The following NLE1 variants were observed in gnomAD, a reference collection of about 807,000 sequenced individuals.
NLE1 encodes notchless protein homolog 1.
Under a neutral mutation model 62.8 loss-of-function variants are expected in NLE1, and 37 were observed. That is an observed-to-expected ratio of 0.59 (90% CI 0.45 to 0.78). The LOEUF (loss-of-function observed/expected upper bound fraction) is 0.78, where lower values mean the gene tolerates loss of function less well. Among genes scored for constraint, NLE1 ranks in the 30% least tolerant of loss-of-function variants. NLE1 has a pLI of 0.00. For synonymous variants in NLE1, 243 were observed against 253.0 expected (o/e 0.96, Z 0.37); for missense variants, 555 against 637.9 (o/e 0.87, Z 1.40).
chr17:35,136,032 T>C (rs1007184313), intron 9 of NLE1, 137 bp downstream of exon 9: 13 of 778,518 alleles, frequency 1.7e-5, no homozygotes, highest in Non-Finnish European at 1.2e-5. Flanking sequence ...GATTGCAAAC[T>C]AGGATTATGA....
In NLE1 at chr17:35,139,915, C is replaced by A; in HGVS notation, c.314G>T (p.Arg105Leu). ...GTGACCCTCCAAGGAGCTGGTGCAGCGAGTCACAGCCCGGACTCTGAAGAT... is the reference window on the plus strand; with the variant it reads ...GTGACCCTCCAAGGAGCTGGTGCAGAGAGTCACAGCCCGGACTCTGAAGAT... Reference protein sequence around the residue: ...QAIFRVRAVTRCTSSLEGHSE... With the variant: ...QAIFRVRAVTLCTSSLEGHSE... The change falls in exon 3 of 13, where the codon CGC becomes CTC. Residue 105 changes from arginine (R) to leucine (L), a missense_variant. Arg to Leu is a moderately radical substitution (Grantham distance 102). Coordinates refer to ENST00000442241, the MANE Select transcript of NLE1 (RefSeq NM_018096.5). The A allele has an allele frequency of 1.2e-6, 2 of 1,614,072 alleles. No individual in the cohort carries two copies. Among genetic ancestry groups the A allele is most frequent in the Non-Finnish European group, 1.7e-6 (2 of 1,180,024 alleles).
rs759866757 is a variant in NLE1 at position 35,139,916 on chromosome 17, G to A, written c.313C>T (p.Arg105Cys). ...TGACCCTCCAAGGAGCTGGTGCAGC[G>A]AGTCACAGCCCGGACTCTGAAGATA... is the stretch of plus-strand genomic sequence containing the variant. Reference protein sequence around the residue: ...QAIFRVRAVTRCTSSLEGHSE... With the variant: ...QAIFRVRAVTCCTSSLEGHSE... Residue 105 changes from arginine to cysteine, a missense_variant, in exon 3 of 13, where the codon CGC becomes TGC. Physicochemically the swap from Arg to Cys is radical, Grantham distance 180. Coordinates refer to ENST00000442241, the MANE Select transcript of NLE1 (RefSeq NM_018096.5). The A allele has an allele frequency of 4.3e-6, 7 of 1,614,010 alleles. No individual in the cohort carries two copies. Among genetic ancestry groups the A allele is most frequent in the African/African-American group, 1.3e-5 (1 of 74,938 alleles).
intron 10 of NLE1, among the ~76,000 whole-genome samples, chr17:35,134,343 A>C (rs2142501827): frequency 6.6e-6 from 1 of 152,240 alleles, no homozygotes; most frequent in East Asian, 1.9e-4. Context: ...CTCCAGGGCT[A>C]CAGCCCTACC....
intron 11 of NLE1, 34 bp downstream of exon 11, chr17:35,133,305 C>T: frequency 6.2e-7 from 1 of 1,614,194 alleles, no homozygotes; most frequent in Non-Finnish European, 8.5e-7. Flanking sequence ...AGGCTCCAAT[C>T]CCAGTCCCTC....
Position 35,129,891 on chromosome 17 carries a change from A to T in NLE1, c.*2546T>A. 3 of 1,406,248 alleles carry T rather than the reference A, an allele frequency of 2.1e-6. No homozygotes were observed. Among genetic ancestry groups the T allele is most frequent in the Non-Finnish European group, 2.8e-6 (3 of 1,082,684 alleles). 87.1% of individuals were successfully genotyped at this position (1,406,248 alleles called of 1,614,324 possible). ...CGAATGTATTTTTCAACATCACTAT[A>T]ATGTTCCCCTTCCAAAGCCATTGGT... On this transcript the variant is annotated 3_prime_UTR_variant, in exon 13 of 13. Coordinates refer to ENST00000442241, the MANE Select transcript of NLE1 (RefSeq NM_018096.5).
At chr17:35,141,552 C>CAAAAA (rs549704502) in intron 2 of NLE1, among the ~76,000 whole-genome samples, 2 of 83,584 alleles carry the variant, frequency 2.4e-5, no homozygotes, top group South Asian at 4.5e-4. Context: ...GACTCCGTCT[C>CAAAAA]AAAAAAAAAA....
In NLE1 at chr17:35,131,071, C is replaced by T. The variant is rs2091873633; in HGVS notation, c.*1366G>A. On this transcript the variant is annotated 3_prime_UTR_variant, in exon 13 of 13. Transcript: ENST00000442241. ...GGGGCAGGGCCTGGTTTAATCCCAG[C>T]TTTCTCTTACTAGATGTGAGGGCAT... is the stretch of plus-strand genomic sequence containing the variant. 2 of 148,990 alleles carry T rather than the reference C, an allele frequency of 1.3e-5. No homozygotes were observed. The highest frequency in any genetic ancestry group is 5.0e-5 in the African/African-American group (2 of 39,632). The allele number at this position is 148,990 out of a possible 1,614,324, so 9.2% of individuals were successfully genotyped here.
At position 35,142,074 on chromosome 17, in the gene NLE1, C is replaced by T. The variant is rs367639164; in HGVS notation, c.67G>A (p.Asp23Asn). ...DVQRLLVQFQ[D>N]EGGQLLGSPF... is the part of the protein sequence containing the mutation. ...GAACCCAGCAGCTGCCCGCCCTCAT[C>T]CTGGAACTGCACTAGCAACCGCTGC... is the stretch of plus-strand genomic sequence containing the variant. The change falls in exon 2 of 13, where the codon GAT becomes AAT. Residue 23 changes from aspartate to asparagine, a missense_variant. By Grantham distance (23) the Asp-to-Asn change is conservative (BLOSUM62 1). Transcript: ENST00000442241. 5.0e-6 allele frequency: 8 copies of T among 1,612,638 alleles called. No individual in the cohort carries two copies. In the African/African-American group the frequency reaches 1.1e-4, roughly 22 times the overall value.
rs1374371293 is a variant in NLE1 at position 35,140,000 on chromosome 17, A to G, written c.229T>C (p.Leu77=). The part of the protein sequence containing the change: ...AEIVSSLGKT[L]ESQAVETEKV... ...TCTGTCTCCACTGCCTGGGACTCCA[A>G]CGTCTTCCCCAGTGAGGAGACGATC... The change falls in exon 3 of 13, where the codon TTG becomes CTG. Residue 77 remains leucine (L), a synonymous_variant. Transcript: ENST00000442241. 1.9e-5 allele frequency: 30 copies of G among 1,613,962 alleles called. No individual in the cohort carries two copies. The highest frequency in any genetic ancestry group is 3.3e-4 in the Middle Eastern group (2 of 6,038).
rs745418741 is a variant in NLE1, at chr17:35,137,029, C to T, written c.800G>A (p.Arg267His). 12 of 1,610,802 alleles carry T rather than the reference C, an allele frequency of 7.4e-6. No individual in the cohort carries two copies. Among genetic ancestry groups the T allele is most frequent in the South Asian group, 5.5e-5 (5 of 90,906 alleles). ...DGLLYSASQDRTIKVWRAHDG... is the reference protein window; with the variant it reads ...DGLLYSASQDHTIKVWRAHDG... ...ATGAGCTCTCCAGACTTTGATGGTG[C>T]GGTCCTGGGAGGCAGAGTAGAGAAG... Residue 267 changes from arginine (R) to histidine (H), a missense_variant, in exon 7 of 13, where the codon CGC becomes CAC. Transcript: ENST00000442241.
chr17:35,130,397 G>A lies in NLE1; in HGVS notation c.*2040C>T, dbSNP rs773336985. 6.3e-5 allele frequency: 101 copies of A among 1,613,946 alleles called. No homozygotes were observed. Among genetic ancestry groups the A allele is most frequent in the Non-Finnish European group, 7.9e-5 (93 of 1,180,004 alleles). On this transcript the variant is annotated 3_prime_UTR_variant, in exon 13 of 13. Transcript: ENST00000442241. ...GTGTCCATCGGGCCGGAGGAGATGCGGAGGCTGGAGGATCTGGAATACCTA... is the reference window on the plus strand; with the variant it reads ...GTGTCCATCGGGCCGGAGGAGATGCAGAGGCTGGAGGATCTGGAATACCTA...
Position 35,132,126 on chromosome 17 carries a change from A to C in NLE1, c.*311T>G. 3.6e-6 allele frequency: 1 copy of C among 274,890 alleles called. No individual in the cohort carries two copies. 17.0% of individuals were successfully genotyped at this position (274,890 alleles called of 1,614,324 possible). On this transcript the variant is annotated 3_prime_UTR_variant, in exon 13 of 13. Transcript: ENST00000442241. The stretch of plus-strand genomic sequence containing the variant: ...TCTGACCCTGTACAGAGCTGACACT[A>C]GGGGCCCACTCATAGAGCCTGGCTG...
rs1036337025 is a variant in NLE1, at chr17:35,129,080, G to A, written c.*3357C>T. Reference sequence around the variant, plus strand: ...CAGCTGTAAATACAGATGAAGCTTCGCTTGCTCGCCCACCAATCTCCTCCT... The same window carrying A: ...CAGCTGTAAATACAGATGAAGCTTCACTTGCTCGCCCACCAATCTCCTCCT... On this transcript the variant is annotated 3_prime_UTR_variant, in exon 13 of 13. Coordinates refer to ENST00000442241, the MANE Select transcript of NLE1 (RefSeq NM_018096.5). 3 of 231,386 alleles carry A rather than the reference G, an allele frequency of 1.3e-5. No individual in the cohort carries two copies. The highest frequency in any genetic ancestry group is 8.9e-5 in the East Asian group (1 of 11,214). 14.3% of individuals were successfully genotyped at this position (231,386 alleles called of 1,614,324 possible).
Position 35,139,843 on chromosome 17 carries a change from C to T in NLE1, c.380+6G>A. The T allele has an allele frequency of 2.5e-6, 4 of 1,611,126 alleles. No individual in the cohort carries two copies. Among genetic ancestry groups the T allele is most frequent in the Non-Finnish European group, 2.5e-6 (3 of 1,179,944 alleles). On this transcript the variant is annotated splice_donor_region_variant and intron_variant, in intron 3 of 12. Transcript: ENST00000442241. The stretch of plus-strand genomic sequence containing the variant: ...ACCCCCTCCATGAGTCTGCAGCTGT[C>T]CTTACTTTCCCGTAGGGCTGAAGGC...
chr17:35,139,677 T>TG, intron 3 of NLE1, 172 bp downstream of exon 3: 2 of 900,524 alleles, frequency 2.2e-6, no homozygotes, highest in South Asian at 3.6e-5. Flanking sequence ...AAGCAGCCTT[T>TG]GGGGACCATG....
intron 5 of NLE1, 25 bp from the exon 6 acceptor site, chr17:35,137,665 A>G: frequency 6.3e-7 from 1 of 1,590,220 alleles, no homozygotes; most frequent in South Asian, 1.1e-5. Flanking sequence ...CTCACTGAAT[A>G]ATCCTCCCCA....
intron 2 of NLE1, among the ~76,000 whole-genome samples, chr17:35,140,716 G>A (rs896788467): frequency 6.6e-6 from 1 of 152,054 alleles, no homozygotes; most frequent in Non-Finnish European, 1.5e-5. Flanking sequence ...TCAGCCTCCC[G>A]AGGAGCTGGG....
intron 2 of NLE1, among the ~76,000 whole-genome samples, chr17:35,141,769 C>A (rs1339161776): frequency 6.6e-6 from 1 of 152,204 alleles, no homozygotes; most frequent in Admixed American, 6.5e-5. Flanking sequence ...GCGTTCAAAG[C>A]TAGGCCCCTC....
rs774036183 is a variant in NLE1, at chr17:35,129,523, G to A, written c.*2914C>T. ...AGGAGAATGAGTTGCCCGAGGCAAA[G>A]AATCGTCCATGGATCTTCAACAAGA... is the stretch of plus-strand genomic sequence containing the variant. On this transcript the variant is annotated 3_prime_UTR_variant, in exon 13 of 13. Coordinates refer to ENST00000442241, the MANE Select transcript of NLE1 (RefSeq NM_018096.5). 1 of 1,614,210 alleles carries A rather than the reference G, an allele frequency of 6.2e-7. No individual in the cohort carries two copies. Among genetic ancestry groups the A allele is most frequent in the South Asian group, 1.1e-5 (1 of 91,086 alleles).
Sources: gnomAD v4.1 joint callset for allele counts (sites outside exome capture counted in the v4.1 genomes callset) on GRCh38, gnomAD v4.1.1 for gene constraint, MANE v1.5 for transcripts, NCBI Gene and HGNC (gene_info 2026-07-23, HGNC 2026-07-21) for gene names.